The following MMP28 variants were observed in gnomAD, a reference collection of about 807,000 sequenced individuals.
The protein encoded by MMP28 is matrix metalloproteinase-28.
MMP28 carries 55 observed loss-of-function variants against 60.5 expected under a neutral mutation model. The observed-to-expected ratio is 0.91, with a 90% CI of 0.73 to 1.14. The LOEUF (loss-of-function observed/expected upper bound fraction) is 1.14. Ranked by LOEUF, MMP28 falls within the 50% of genes most tolerant of loss-of-function variation. The pLI, the probability that MMP28 is intolerant of heterozygous loss-of-function variation, is 0.00. For missense variants in MMP28, 686 were observed against 738.3 expected (o/e 0.93, Z 0.82); for synonymous variants, 318 against 312.5 (o/e 1.02, Z -0.18).
chr17:35,779,356 AG>A, intron 1 of MMP28, 33 bp from the exon 2 acceptor site: 1 of 1,575,880 alleles, frequency 6.3e-7, no homozygotes. Flanking sequence ...CTTTTTCCAT[AG>A]CATCCTTTCC....
In MMP28 at chr17:35,795,265, A is replaced by G; in HGVS notation, c.111+2T>C. 1 of 1,422,128 alleles carries G rather than the reference A, an allele frequency of 7.0e-7. No homozygotes were observed. Among genetic ancestry groups the G allele is most frequent in the Non-Finnish European group, 9.2e-7 (1 of 1,087,006 alleles). The allele number at this position is 1,422,128 out of a possible 1,614,324, so 88.1% of individuals were successfully genotyped here. ...GCTCTCCGCCAGGTACACACGGCGTACCTCCGCCTCCTTGCGCAGCTCCTG... is the reference window on the plus strand; with the variant it reads ...GCTCTCCGCCAGGTACACACGGCGTGCCTCCGCCTCCTTGCGCAGCTCCTG... On this transcript the variant is annotated splice_donor_variant, in intron 1 of 7. Transcript: ENST00000605424. LOFTEE classifies it high-confidence loss of function.
At chr17:35,774,160 C>G (rs916880943) in intron 3 of MMP28, among the ~76,000 whole-genome samples, 1 of 152,222 alleles carries the variant, frequency 6.6e-6, no homozygotes, top group African/African-American at 2.4e-5. Flanking sequence ...CAACTCCTCC[C>G]TGAGGGCTGA....
In MMP28 at chr17:35,773,210, C is replaced by G; in HGVS notation, c.574G>C (p.Asp192His). 8.1e-6 allele frequency: 13 copies of G among 1,613,992 alleles called. No individual in the cohort carries two copies. The highest frequency in any genetic ancestry group is 1.1e-5 in the Non-Finnish European group (13 of 1,179,868). Residue 192 changes from aspartate (D) to histidine (H), a missense_variant, in exon 4 of 8, where the codon GAT (aspartate) becomes CAT (histidine). By Grantham distance (81) the Asp-to-His change is moderately conservative (BLOSUM62 -1). Transcript: ENST00000605424. ...CCATCAAAGGCATTGCCCAGCCCAT[C>G]GTTGTGGTCCCCTTGGAAGAAGGTG... The part of the protein sequence containing the change: ...RLTFFQGDHN[D>H]GLGNAFDGPG...
At chr17:35,763,644 C>A (rs2085869864), downstream of MMP28, among the ~76,000 whole-genome samples, 1 of 151,646 alleles carries the variant, frequency 6.6e-6, no homozygotes, top group Non-Finnish European at 1.5e-5. Flanking sequence ...CGCCTGTAAT[C>A]TCAGCACTTT....
rs747351869 is a variant in MMP28, at chr17:35,778,923, G to A, written c.344C>T (p.Thr115Ile). 1 of 1,613,906 alleles carries A rather than the reference G, an allele frequency of 6.2e-7. No homozygotes were observed. The highest frequency in any genetic ancestry group is 8.5e-7 in the Non-Finnish European group (1 of 1,179,906). Residue 115 changes from threonine to isoleucine, a missense_variant, in exon 3 of 8, where the codon ACC (threonine) becomes ATC (isoleucine). Physicochemically the swap from Thr to Ile is moderately conservative, Grantham distance 89. Coordinates refer to ENST00000605424, the MANE Select transcript of MMP28 (RefSeq NM_024302.5). ...AAAGCGTTTCTTACGCCTCATTTTG[G>A]TCCGGTGTCTAGCAAACAAGTCACT... ...RISDLFARHR[T>I]KMRRKKRFAK...
At chr17:35,770,916 A>G (rs1005436575) in intron 4 of MMP28, among the ~76,000 whole-genome samples, 62 of 152,182 alleles carry the variant, frequency 4.1e-4, no homozygotes, top group African/African-American at 1.4e-3. Context: ...GCTAGGCGTG[A>G]TGGTGTGCAC....
chr17:35,784,171 A>G (rs543672977), intron 1 of MMP28, among the ~76,000 whole-genome samples: 55 of 151,758 alleles, frequency 3.6e-4, no homozygotes, highest in African/African-American at 1.3e-3. Context: ...AATCTCAGCT[A>G]CTCGGGAGGC....
At chr17:35,776,748 G>A (rs912295892) in intron 3 of MMP28, among the ~76,000 whole-genome samples, 24 of 152,138 alleles carry the variant, frequency 1.6e-4, no homozygotes, top group African/African-American at 5.3e-4. Context: ...AATTACCCTG[G>A]CATGGTGGCG....
rs71366482 is a variant in MMP28 at position 35,771,696 on chromosome 17, AATATATATATAT to A, written c.605-1396_605-1385del. Among the ~76,000 whole-genome samples, 480 of 50,460 alleles carry A rather than the reference AATATATATATAT, an allele frequency of 9.5e-3. 10 individuals are homozygous for A. Among genetic ancestry groups the A allele is most frequent in the African/African-American group, 0.018 (208 of 11,654 alleles). 33.1% of individuals were successfully genotyped at this position (50,460 alleles called of 152,430 possible). A position where few individuals can be genotyped will look rare whatever the true frequency, so the allele number is the denominator to read the frequency against. On this transcript the variant is annotated intron_variant, in intron 4 of 7. Transcript: ENST00000605424. ...GAAAATATACATACATATAGAAGTG[AATATATATATAT>A]ATATATATATATATATATATATATA...
At chr17:35,789,476 A>T (rs2086747015) in intron 1 of MMP28, among the ~76,000 whole-genome samples, 1 of 152,180 alleles carries the variant, frequency 6.6e-6, no homozygotes, top group Non-Finnish European at 1.5e-5. Flanking sequence ...CTTAAAGTGG[A>T]AGCTTAAATC....
rs780076153 is a variant in MMP28 at position 35,789,584 on chromosome 17, GAAATGTTGTATTTTCATTATTATT to G, written c.111+5659_111+5682del. Among the ~76,000 whole-genome samples the G allele has an allele frequency of 3.7e-3, 565 of 152,190 alleles. 6 individuals carry two copies. Among genetic ancestry groups the G allele is most frequent in the Non-Finnish European group, 6.0e-3 (405 of 68,002 alleles). ...AGCTGCATCCCACAAATATTGATATGAAATGTTGTATTTTCATTATTATTTAGTTTCATTGCTCTGATGATTTCT... is the reference window on the plus strand; with the variant it reads ...AGCTGCATCCCACAAATATTGATATGTAGTTTCATTGCTCTGATGATTTCT... On this transcript the variant is annotated intron_variant, in intron 1 of 7. Coordinates refer to ENST00000605424, the MANE Select transcript of MMP28 (RefSeq NM_024302.5).
At chr17:35,779,398 A>G (rs772776132) in intron 1 of MMP28, 75 bp from the exon 2 acceptor site, 2 of 1,208,250 alleles carry the variant, frequency 1.7e-6, no homozygotes, top group South Asian at 2.6e-5. Context: ...CCCAGGGCAC[A>G]TACATCCTGC....
chr17:35,780,656 G>A (rs991448085), intron 1 of MMP28, among the ~76,000 whole-genome samples: 11 of 151,812 alleles, frequency 7.2e-5, no homozygotes, highest in Non-Finnish European at 1.0e-4. Flanking sequence ...CCAACATGGC[G>A]AAACCTCATC....
intron 1 of MMP28, among the ~76,000 whole-genome samples, chr17:35,787,661 G>A (rs570619358): frequency 2.0e-4 from 31 of 151,972 alleles, no homozygotes; most frequent in African/African-American, 3.1e-4. Context: ...GGCTAATTTC[G>A]TATTTTTAGT....
At position 35,766,322 on chromosome 17, in the gene MMP28, G is replaced by A. The variant is rs2085936116; in HGVS notation, c.*178C>T. On this transcript the variant is annotated 3_prime_UTR_variant, in exon 8 of 8. Transcript: ENST00000605424. This position sits in a 1 kb window ranked among gnomAD's most constrained non-coding sequence, Gnocchi z 4.3. ...CCCCCACCTCCATGTGGTGGGGACA[G>A]ACAAAGACAATGCTGCATTCTTCAA... is the stretch of plus-strand genomic sequence containing the variant. 4.3e-6 allele frequency: 6 copies of A among 1,407,524 alleles called. No individual in the cohort carries two copies. The highest frequency in any genetic ancestry group is 1.7e-5 in the South Asian group (1 of 60,126). 87.2% of individuals were successfully genotyped at this position (1,407,524 alleles called of 1,614,324 possible). A position where few individuals can be genotyped will look rare whatever the true frequency, so the allele number is the denominator to read the frequency against.
chr17:35,795,323 G>A lies in MMP28; in HGVS notation c.55C>T (p.His19Tyr). 1.4e-6 allele frequency: 2 copies of A among 1,466,802 alleles called. No homozygotes were observed. The highest frequency in any genetic ancestry group is 1.8e-6 in the Non-Finnish European group (2 of 1,110,324). 90.9% of individuals were successfully genotyped at this position (1,466,802 alleles called of 1,614,324 possible). Residue 19 changes from histidine (H) to tyrosine (Y), a missense_variant, in exon 1 of 8, where the codon CAC (histidine) becomes TAC (tyrosine). Transcript: ENST00000605424. ...LRALQLLLWG[H>Y]LDAQPAERGG... The stretch of plus-strand genomic sequence containing the variant: ...CGCTCCGCGGGCTGGGCGTCCAGGT[G>A]GCCCCACAGTAGCAGCTGCAGGGCG...
In MMP28 at chr17:35,778,789, G is replaced by A. The variant is rs1265192226; in HGVS notation, c.379+99C>T. The A allele has an allele frequency of 1.9e-6, 3 of 1,605,156 alleles. No individual in the cohort carries two copies. In the East Asian group the frequency reaches 6.7e-5, roughly 36 times the overall value. ...TCCTCCCGTGCCCTAGGGAAGAGAG[G>A]TTACTGACAAAGTCCAGTCCCAGGC... On this transcript the variant is annotated intron_variant, in intron 3 of 7. Transcript: ENST00000605424.
chr17:35,791,883 G>A (rs1156600663), intron 1 of MMP28, among the ~76,000 whole-genome samples: 1 of 152,098 alleles, frequency 6.6e-6, no homozygotes, highest in Non-Finnish European at 1.5e-5. Flanking sequence ...ACCCCATACA[G>A]ACTTATGGGA....
chr17:35,795,143 G>T, intron 1 of MMP28, 124 bp downstream of exon 1: 2 of 579,398 alleles, frequency 3.5e-6, no homozygotes, highest in Non-Finnish European at 5.4e-6. Context: ...TGCGAAGGGG[G>T]CGGAGGACAG....
Sources: gnomAD v4.1 joint callset for allele counts (sites outside exome capture counted in the v4.1 genomes callset) on GRCh38, gnomAD v4.1.1 for gene constraint, Gnocchi (gnomAD v3.1) non-coding constraint, MANE v1.5 for transcripts, NCBI Gene and HGNC (gene_info 2026-07-23, HGNC 2026-07-21) for gene names.